Variants in CACNA1F observed in about 807,000 individuals in gnomAD.
CACNA1F encodes voltage-dependent L-type calcium channel subunit alpha-1F.
CACNA1F carries 59 observed loss-of-function variants against 143.8 expected under a neutral mutation model. The ratio of observed to expected loss-of-function variants is 0.41; its 90% CI spans 0.33 to 0.51. The LOEUF is 0.51. Among genes scored for constraint, CACNA1F ranks in the 20% least tolerant of loss-of-function variants. The pLI is 0.22. For synonymous variants in CACNA1F, 643 were observed against 649.1 expected (o/e 0.99, Z 0.14); for missense variants, 1,411 against 1,647.5 (o/e 0.86, Z 2.48).
Position 49,209,481 on chromosome X carries a change from G to A in CACNA1F, c.4822-88C>T. ...CTGCAGGCGGGTAGGGTGGGGGAAG[G>A]AGTCCTTCAGCCACCCTGGCCCTCC... On this transcript the variant is annotated intron_variant, in intron 41 of 47. Coordinates refer to ENST00000323022, the MANE Select transcript of CACNA1F (RefSeq NM_001256789.3). 6 of 1,125,233 alleles carry A rather than the reference G, an allele frequency of 5.3e-6. No individual in the cohort carries two copies. In the South Asian group the frequency reaches 1.1e-4, roughly 21 times the overall value. The allele number at this position is 1,125,233 out of a possible 1,213,427, so 92.7% of individuals were successfully genotyped here.
In CACNA1F at chrX:49,224,953, G is replaced by A. The variant is rs377121355; in HGVS notation, c.1685C>T (p.Thr562Met). ...GTACAATTTGAGAAGCATCTCCACC[G>A]TGAACAGACAGAGCAACACTTTGTT... ...YANKVLLCLF[T>M]VEMLLKLYGL... is the part of the protein sequence containing the mutation. Residue 562 changes from threonine (T) to methionine (M), a missense_variant, in exon 14 of 48, where the codon ACG (threonine) becomes ATG (methionine). Around this residue, in one of 3 missense-constraint regions of CACNA1F, gnomAD observed 950 missense variants for 1,128.1 expected, o/e 0.84. Transcript: ENST00000323022. The A allele has an allele frequency of 1.8e-5, 22 of 1,200,443 alleles. No homozygotes were observed. The African/African-American group carries it at 1.9e-4, about 11-fold the overall frequency.
chrX:49,208,442 C>G (rs1359960893), intron 43 of CACNA1F, 73 bp downstream of exon 43: 1 of 776,084 alleles, frequency 1.3e-6, no homozygotes, highest in Admixed American at 2.7e-5. Flanking sequence ...AACTTCCTGC[C>G]TCCTGAATTG....
chrX:49,207,028 A>G lies in CACNA1F; in HGVS notation c.5208T>C (p.Asp1736=), dbSNP rs1449933987. 1 of 1,200,289 alleles carries G rather than the reference A, an allele frequency of 8.3e-7. No homozygotes were observed. The highest frequency in any genetic ancestry group is 2.2e-5 in the Admixed American group (1 of 45,326). ...ACCGATCAGGGACTTCCTCATCCTC[A>G]TCTTGCTTGTTTTGCCCTTTGGTTC... ...PKGTKGQNKQ[D]EDEEVPDRLS... is the part of the protein sequence containing the mutation. Residue 1736 remains aspartate (D), a synonymous_variant, in exon 44 of 48, where the codon GAT becomes GAC. Coordinates refer to ENST00000323022, the MANE Select transcript of CACNA1F (RefSeq NM_001256789.3).
intron 5 of CACNA1F, 41 bp from the exon 6 acceptor site, chrX:49,230,413 A>G (rs1254664135): frequency 1.0e-5 from 12 of 1,204,242 alleles, no homozygotes; most frequent in Middle Eastern, 4.6e-4. Flanking sequence ...GGGCGGGGTC[A>G]GCTCAGCCCC....
Position 49,226,451 on chromosome X carries a change from T to A in CACNA1F, c.1421A>T (p.Glu474Val). The A allele has an allele frequency of 8.4e-7, 1 of 1,191,247 alleles. No individual in the cohort carries two copies. The change falls in exon 11 of 48, where the codon GAG becomes GTG. Residue 474 changes from glutamate to valine, a missense_variant. Around this residue, in one of 3 missense-constraint regions of CACNA1F, gnomAD observed 950 missense variants for 1,128.1 expected, o/e 0.84. Coordinates refer to ENST00000323022, the MANE Select transcript of CACNA1F (RefSeq NM_001256789.3). ...TGSMTETQGD[E>V]DEEEGALASC... ...GGCCAGAGCCCCCTCCTCCTCATCC[T>A]CATCGCCTTGGGTCTCTGTCATGGA...
chrX:49,210,447 G>A lies in CACNA1F; in HGVS notation c.4486-44C>T, dbSNP rs782232023. Reference sequence around the variant, plus strand: ...TGAAACCCACTCTGGGAAAATGCCGGGTATGCAGGAACGAATGTCAAGGGG... The same window carrying A: ...TGAAACCCACTCTGGGAAAATGCCGAGTATGCAGGAACGAATGTCAAGGGG... On this transcript the variant is annotated intron_variant, in intron 38 of 47. Coordinates refer to ENST00000323022, the MANE Select transcript of CACNA1F (RefSeq NM_001256789.3). The A allele has an allele frequency of 1.3e-5, 14 of 1,084,116 alleles. No homozygotes were observed. The East Asian group carries it at 2.7e-4, about 21-fold the overall frequency. The allele number at this position is 1,084,116 out of a possible 1,213,427, so 89.3% of individuals were successfully genotyped here. A position where few individuals can be genotyped will look rare whatever the true frequency, so the allele number is the denominator to read the frequency against.
intron 14 of CACNA1F, 115 bp from the exon 15 acceptor site, chrX:49,223,251 A>G (rs1444965445): frequency 2.0e-6 from 1 of 506,274 alleles, no homozygotes; most frequent in Non-Finnish European, 3.5e-6. Flanking sequence ...GTTGGGCTCA[A>G]ATAGGCTTTG....
rs373541513 is a variant in CACNA1F at position 49,222,503 on chromosome X, G to A, written c.2288+19C>T. On this transcript the variant is annotated intron_variant, in intron 17 of 47. Transcript: ENST00000323022. ...GGATCCCAGAGAGAGACTGTGTTAG[G>A]GGTGGAGCCAGATCTCACCCGCCCT... The A allele has an allele frequency of 8.4e-7, 1 of 1,185,325 alleles. No individual in the cohort carries two copies. Among genetic ancestry groups the A allele is most frequent in the African/African-American group, 1.8e-5 (1 of 56,615 alleles).
intron 3 of CACNA1F, 90 bp from the exon 4 acceptor site, chrX:49,231,079 G>T (rs1408470737): frequency 1.2e-6 from 1 of 843,964 alleles, no homozygotes. Flanking sequence ...AGTCAGGACC[G>T]AGGGTGGGGC....
chrX:49,219,795 C>T lies in CACNA1F; in HGVS notation c.2387-5G>A, dbSNP rs782095452. 1 of 1,069,413 alleles carries T rather than the reference C, an allele frequency of 9.4e-7. No homozygotes were observed. The highest frequency in any genetic ancestry group is 2.0e-5 in the South Asian group (1 of 50,679). The allele number at this position is 1,069,413 out of a possible 1,213,427, so 88.1% of individuals were successfully genotyped here. On this transcript the variant is annotated splice_region_variant and splice_polypyrimidine_tract_variant and intron_variant, in intron 19 of 47. Coordinates refer to ENST00000323022, the MANE Select transcript of CACNA1F (RefSeq NM_001256789.3). ...CCTCCTCCTCCTCCTCCATGTCTGG[C>T]ACCAGAGAAAAGCAAAAAAAAATTA...
intron 29 of CACNA1F, 86 bp downstream of exon 29, chrX:49,215,000 C>G (rs782639732): frequency 7.7e-6 from 7 of 908,476 alleles, no homozygotes; most frequent in African/African-American, 3.9e-5. Context: ...TTATTTGCAG[C>G]CTTAAATGTT....
chrX:49,215,576 G>A, intron 27 of CACNA1F, 33 bp from the exon 28 acceptor site: 2 of 563,202 alleles, frequency 3.6e-6, no homozygotes, highest in Non-Finnish European at 6.0e-6. Context: ...AGAGGTGGGG[G>A]CAGGTGAGGG....
intron 43 of CACNA1F, 104 bp downstream of exon 43, chrX:49,208,411 G>GCCCCCCCCCCCCCCCCCCCCCCCCCCCC: frequency 2.4e-6 from 1 of 414,484 alleles, no homozygotes; most frequent in Non-Finnish European, 4.3e-6. Context: ...AGGCCTCTAG[G>GCCCCCCCCCCCCCCCCCCCCCCCCCCCC]CCCTCCCTCC....
At chrX:49,206,236 T>C (rs782144401) in intron 46 of CACNA1F, among the ~76,000 whole-genome samples, 2 of 108,180 alleles carry the variant, frequency 1.8e-5, no homozygotes, top group East Asian at 2.9e-4. Context: ...CTACTAAAAA[T>C]GCAAAAATTA....
At chrX:49,224,185 G>A (rs1227522887) in intron 14 of CACNA1F, among the ~76,000 whole-genome samples, 3 of 110,856 alleles carry the variant, frequency 2.7e-5, no homozygotes, top group Non-Finnish European at 5.7e-5. Flanking sequence ...GAGGGGATGG[G>A]ATGAGACTGG....
Position 49,230,600 on chromosome X carries a change from G to A in CACNA1F, c.531C>T (p.Ser177=). The change falls in exon 5 of 48, where the codon AGC becomes AGT. Residue 177 remains serine, a synonymous_variant. Coordinates refer to ENST00000323022, the MANE Select transcript of CACNA1F (RefSeq NM_001256789.3). ...GTCCGGGGCCCTGCTCCAGCAGAAC[G>A]CTGAACAGCCTGATGGGGGAGCACC... The part of the protein sequence containing the change: ...DFIIVVVGLF[S]VLLEQGPGRP... 1 of 1,168,390 alleles carries A rather than the reference G, an allele frequency of 8.6e-7. No homozygotes were observed. Among genetic ancestry groups the A allele is most frequent in the Non-Finnish European group, 1.1e-6 (1 of 872,844 alleles).
chrX:49,214,949 G>A (rs2065695509), intron 29 of CACNA1F, 137 bp downstream of exon 29: 1 of 557,735 alleles, frequency 1.8e-6, no homozygotes, highest in South Asian at 2.5e-5. Flanking sequence ...TGTGGCAAAT[G>A]TCTTTATAGC....
intron 27 of CACNA1F, 145 bp from the exon 28 acceptor site, chrX:49,215,688 C>T: frequency 2.0e-5 from 9 of 451,525 alleles, no homozygotes; most frequent in Non-Finnish European, 3.1e-5. Flanking sequence ...CTGACCTAAC[C>T]ACCTGGGACC....
chrX:49,232,823 T>A, intron 1 of CACNA1F, among the ~76,000 whole-genome samples: 1 of 108,922 alleles, frequency 9.2e-6, no homozygotes, highest in Middle Eastern at 4.7e-3. Context: ...TTGTTTTTGT[T>A]TTTTTTTTTA....
Sources: gnomAD v4.1 joint callset for allele counts (sites outside exome capture counted in the v4.1 genomes callset) on GRCh38, gnomAD v4.1.1 for gene constraint, gnomAD v4.1.1 regional missense constraint, MANE v1.5 for transcripts, NCBI Gene and HGNC (gene_info 2026-07-23, HGNC 2026-07-21) for gene names.